Variants in PCDHGA3 observed in about 807,000 individuals in gnomAD.
PCDHGA3 encodes the protein protocadherin gamma-A3.
A neutral mutation model predicts 58.5 loss-of-function variants in PCDHGA3; 40 were observed. The ratio of observed to expected loss-of-function variants is 0.68; its 90% CI spans 0.53 to 0.89. The LOEUF is 0.89. Among genes scored for constraint, PCDHGA3 ranks in the 40% least tolerant of loss-of-function variants. The pLI is 0.00. For missense variants in PCDHGA3, 1,223 were observed against 1,195.9 expected, an observed-to-expected ratio of 1.02 and a Z score of -0.33; for synonymous variants, 530 against 525.7, an observed-to-expected ratio of 1.01 and a Z score of -0.11.
intron 1 of PCDHGA3, chr5:141,366,279 G>T: frequency 6.2e-7 from 1 of 1,613,692 alleles, no homozygotes; most frequent in Non-Finnish European, 8.5e-7. Context: ...GAAGACCATG[G>T]CCAGCCCCCT....
chr5:141,365,327 G>C lies in PCDHGA3; in HGVS notation c.2424+18870G>C, dbSNP rs747026177. The C allele has an allele frequency of 1.1e-5, 17 of 1,613,880 alleles. No individual in the cohort carries two copies. The Admixed American group carries it at 2.8e-4, about 27-fold the overall frequency. On this transcript the variant is annotated intron_variant, in intron 1 of 3. Transcript: ENST00000253812. ...AGGCGCTCTTGTTGCCAGCGCTAAG[G>C]TGGTGGTCACAGTACAGGACGTGAA... is the stretch of plus-strand genomic sequence containing the variant.
chr5:141,498,971 G>GGGAA (rs201769957), intron 2 of PCDHGA3, among the ~76,000 whole-genome samples: 8,226 of 110,874 alleles, frequency 0.074, 335 homozygotes, highest in Middle Eastern at 0.11. Flanking sequence ...GAGGGAGGGA[G>GGGAA]GGAAGGAAGG....
rs57426385 is a variant in PCDHGA3 at position 141,415,740 on chromosome 5, G to GTTTTTTTTTTTTTT, written c.2424+69302_2424+69315dup. 1.9e-4 allele frequency: 117 copies of GTTTTTTTTTTTTTT among 625,018 alleles called. 7 individuals are homozygous for GTTTTTTTTTTTTTT. Among genetic ancestry groups the GTTTTTTTTTTTTTT allele is most frequent in the African/African-American group, 5.0e-4 (20 of 39,930 alleles). 38.7% of individuals were successfully genotyped at this position (625,018 alleles called of 1,614,324 possible). A position where few individuals can be genotyped will look rare whatever the true frequency, so the allele number is the denominator to read the frequency against. On this transcript the variant is annotated intron_variant, in intron 1 of 3. Coordinates refer to ENST00000253812, the MANE Select transcript of PCDHGA3 (RefSeq NM_018916.4). ...TGAGTAGAATTTGATGTTTATTAAGGTTTTTTTTTTTTTTTTTTTTTTTTT... is the reference window on the plus strand; with the variant it reads ...TGAGTAGAATTTGATGTTTATTAAGGTTTTTTTTTTTTTTTTTTTTTTTTTTTTTTTTTTTTTTT...
intron 1 of PCDHGA3, chr5:141,395,733 T>C (rs567626582): frequency 5.9e-5 from 9 of 153,748 alleles, no homozygotes; most frequent in African/African-American, 2.2e-4. Context: ...TTTCTTCACT[T>C]TAAACCTCTT....
At chr5:141,393,491 G>C in intron 1 of PCDHGA3, 1 of 1,614,026 alleles carries the variant, frequency 6.2e-7, no homozygotes, top group Non-Finnish European at 8.5e-7. Flanking sequence ...CTAGCACAGT[G>C]CGCATCCACG....
At position 141,431,423 on chromosome 5, in the gene PCDHGA3, C is replaced by T; in HGVS notation, c.2425-63384C>T. The T allele has an allele frequency of 3.1e-6, 5 of 1,613,670 alleles. No individual in the cohort carries two copies. Among genetic ancestry groups the T allele is most frequent in the Non-Finnish European group, 4.2e-6 (5 of 1,180,030 alleles). ...GGCCTCCGACGGGGGCGACCCGGTG[C>T]GCACAGGCACCGCGCGCATCCGCGT... On this transcript the variant is annotated intron_variant, in intron 1 of 3. Coordinates refer to ENST00000253812, the MANE Select transcript of PCDHGA3 (RefSeq NM_018916.4). This position sits in a 1 kb window ranked among gnomAD's most constrained non-coding sequence, Gnocchi z 4.8.
intron 1 of PCDHGA3, chr5:141,372,387 G>T (rs771030632): frequency 3.7e-6 from 6 of 1,613,898 alleles, no homozygotes; most frequent in Non-Finnish European, 5.1e-6. Flanking sequence ...CCTAATCTTC[G>T]CAGATAGCTT....
chr5:141,396,708 T>C (rs1402538886), intron 1 of PCDHGA3: 1 of 152,190 alleles, frequency 6.6e-6, no homozygotes, highest in Admixed American at 6.5e-5. Flanking sequence ...AGCATTTGAA[T>C]AAAGCTAATA....
intron 1 of PCDHGA3, chr5:141,366,727 A>G: frequency 1.2e-6 from 2 of 1,613,036 alleles, no homozygotes; most frequent in Non-Finnish European, 1.7e-6. Context: ...AGGTAGATGC[A>G]AACAAAGAAG....
At chr5:141,415,538 G>A in intron 1 of PCDHGA3, 1 of 1,614,182 alleles carries the variant, frequency 6.2e-7, no homozygotes, top group Non-Finnish European at 8.5e-7. Flanking sequence ...AGCCAGGAGA[G>A]CTGTGAGAAA....
chr5:141,490,862 C>G lies in PCDHGA3; in HGVS notation c.2425-3945C>G. 1 of 1,613,878 alleles carries G rather than the reference C, an allele frequency of 6.2e-7. No homozygotes were observed. Among genetic ancestry groups the G allele is most frequent in the East Asian group, 2.2e-5 (1 of 44,874 alleles). ...GTGGTGGGGGTTCGAGACTCCGGCTCTCCCCCATTGCATGCCAACACATCT... is the reference window on the plus strand; with the variant it reads ...GTGGTGGGGGTTCGAGACTCCGGCTGTCCCCCATTGCATGCCAACACATCT... On this transcript the variant is annotated intron_variant, in intron 1 of 3. Coordinates refer to ENST00000253812, the MANE Select transcript of PCDHGA3 (RefSeq NM_018916.4). The surrounding 1 kb of genome is among the most constrained non-coding windows in gnomAD (Gnocchi z 5.4).
At chr5:141,413,118 G>A (rs999214227) in intron 1 of PCDHGA3, 4 of 1,517,034 alleles carry the variant, frequency 2.6e-6, no homozygotes, top group Admixed American at 4.3e-5. Flanking sequence ...CAAAGGAACC[G>A]GTTGAAACAC....
intron 1 of PCDHGA3, chr5:141,366,358 C>T (rs746214325): frequency 6.2e-7 from 1 of 1,614,016 alleles, no homozygotes; most frequent in South Asian, 1.1e-5. Context: ...CTGACCTAGG[C>T]AGTATCAAGA....
chr5:141,414,624 G>C, intron 1 of PCDHGA3: 1 of 1,613,932 alleles, frequency 6.2e-7, no homozygotes, highest in Non-Finnish European at 8.5e-7. Context: ...CGCTGGACCC[G>C]GACAGCAAAG....
At chr5:141,395,105 G>A in intron 1 of PCDHGA3, 1 of 1,614,220 alleles carries the variant, frequency 6.2e-7, no homozygotes, top group East Asian at 2.2e-5. Context: ...CCGACTCGCG[G>A]AAGAGTCACC....
At chr5:141,438,960 C>A (rs1398478011) in intron 1 of PCDHGA3, among the ~76,000 whole-genome samples, 1 of 151,940 alleles carries the variant, frequency 6.6e-6, no homozygotes, top group Non-Finnish European at 1.5e-5. Flanking sequence ...GCCACCGCAC[C>A]CTGCCAACTG....
chr5:141,352,405 C>T, intron 1 of PCDHGA3: 1 of 1,614,060 alleles, frequency 6.2e-7, no homozygotes, highest in Non-Finnish European at 8.5e-7. Context: ...GACGTTCCTC[C>T]AGCCTCGACA....
intron 1 of PCDHGA3, chr5:141,374,475 C>A: frequency 6.2e-7 from 1 of 1,612,136 alleles, no homozygotes; most frequent in Non-Finnish European, 8.5e-7. Flanking sequence ...GACAATACAC[C>A]CCGATTCTTA....
rs768135284 is a variant in PCDHGA3, at chr5:141,489,277, T to C, written c.2425-5530T>C. ...GACACTCCCACAGCTCGCTGGGAAA[T>C]GGCAAGTGCTGTGCATGTTGTCCTT... On this transcript the variant is annotated intron_variant, in intron 1 of 3. Transcript: ENST00000253812. This position sits in a 1 kb window ranked among gnomAD's most constrained non-coding sequence, Gnocchi z 4.5. 7.1e-6 allele frequency: 11 copies of C among 1,556,078 alleles called. No individual in the cohort carries two copies. Among genetic ancestry groups the C allele is most frequent in the South Asian group, 3.7e-5 (3 of 80,348 alleles).
Sources: allele counts gnomAD v4.1 joint callset (sites outside exome capture counted in the v4.1 genomes callset), GRCh38; gene constraint gnomAD v4.1.1; non-coding constraint Gnocchi (gnomAD v3.1); transcripts MANE v1.5; gene names NCBI Gene and HGNC (gene_info 2026-07-23, HGNC 2026-07-21).